Variants in ARHGAP15 observed in about 807,000 individuals in gnomAD.
ARHGAP15 encodes the protein Rho GTPase activating protein 15.
ARHGAP15 carries 51 observed loss-of-function variants against 63.7 expected under a neutral mutation model. The ratio of observed to expected loss-of-function variants is 0.80; its 90% CI spans 0.64 to 1.01. The LOEUF (loss-of-function observed/expected upper bound fraction) is 1.01, where lower values mean the gene tolerates loss of function less well. Among genes scored for constraint, ARHGAP15 ranks in the 50% least tolerant of loss-of-function variants. The probability of loss-of-function intolerance (pLI) is 0.00; values close to 1 mark genes in which losing one functional copy is unlikely to be tolerated. For missense variants in ARHGAP15, 560 were observed against 564.6 expected (o/e 0.99, Z 0.08); for synonymous variants, 191 against 193.8 (o/e 0.99, Z 0.12).
Position 143,138,611 on chromosome 2 carries a change from G to GGT in ARHGAP15, c.-15+9148_-15+9149dup, listed in dbSNP as rs1235689287. ...TTGCCTTGGTTTTTGCCATACTGCA[G>GGT]GTGTCTTTCCTCTTTCTCTTTTTCT... On this transcript the variant is annotated intron_variant, in intron 1 of 13. Transcript: ENST00000295095. Among the ~76,000 whole-genome samples the GGT allele has an allele frequency of 5.9e-5, 9 of 152,164 alleles. No homozygotes were observed. In the East Asian group the frequency reaches 1.7e-3, roughly 29 times the overall value.
chr2:143,548,663 C>T (rs1183752849), intron 10 of ARHGAP15, among the ~76,000 whole-genome samples: 9 of 151,742 alleles, frequency 5.9e-5, no homozygotes. Context: ...AAATTAAATA[C>T]ATTTTTTTCA....
At chr2:143,266,676 A>T (rs2105035295) in intron 6 of ARHGAP15, among the ~76,000 whole-genome samples, 2 of 152,266 alleles carry the variant, frequency 1.3e-5, no homozygotes, top group Admixed American at 1.3e-4. Context: ...GTTCTCCTTA[A>T]ATTATTTTGC....
chr2:143,409,330 A>T (rs936412063), intron 6 of ARHGAP15, among the ~76,000 whole-genome samples: 1 of 151,816 alleles, frequency 6.6e-6, no homozygotes, highest in Non-Finnish European at 1.5e-5. Flanking sequence ...CTAATGAGAG[A>T]ATCTTTTTTT....
chr2:143,638,010 G>A (rs1234344698), intron 12 of ARHGAP15, among the ~76,000 whole-genome samples: 3 of 150,160 alleles, frequency 2.0e-5, no homozygotes, highest in Non-Finnish European at 4.4e-5. Flanking sequence ...AACAGGTGCT[G>A]GAGAGGATGT....
At position 143,350,838 on chromosome 2, in the gene ARHGAP15, CAAAAAAAAAA is replaced by C. The variant is rs59616405; in HGVS notation, c.475-84748_475-84739del. On this transcript the variant is annotated intron_variant, in intron 6 of 13. Coordinates refer to ENST00000295095, the MANE Select transcript of ARHGAP15 (RefSeq NM_018460.4). ...TCGATGACAGAGCGAGACTCAGTCTCAAAAAAAAAAAAAAAAAAAAAAAAGAAATTATATA... is the reference window on the plus strand; with the variant it reads ...TCGATGACAGAGCGAGACTCAGTCTCAAAAAAAAAAAAAAGAAATTATATA... 2.3e-3 allele frequency: 131 copies of C among 57,766 alleles called. 1 individual carries two copies. The highest frequency in any genetic ancestry group is 9.8e-3 in the African/African-American group (129 of 13,168). The allele number at this position is 57,766 out of a possible 1,614,324, so 3.6% of individuals were successfully genotyped here.
intron 6 of ARHGAP15, among the ~76,000 whole-genome samples, chr2:143,253,025 A>G (rs1042492458): frequency 6.6e-6 from 1 of 152,074 alleles, no homozygotes; most frequent in Non-Finnish European, 1.5e-5. Flanking sequence ...AAAGACCATC[A>G]TAGCTTCAGC....
At chr2:143,377,676 A>G (rs7584754) in intron 6 of ARHGAP15, among the ~76,000 whole-genome samples, 14,002 of 152,068 alleles carry the variant, frequency 0.092, 1,092 homozygotes, top group East Asian at 0.42. Flanking sequence ...AGTGTTAAAA[A>G]GGTTTGAGTT....
chr2:143,726,295 TA>T (rs1381029351), intron 13 of ARHGAP15, among the ~76,000 whole-genome samples: 10 of 152,180 alleles, frequency 6.6e-5, no homozygotes, highest in Non-Finnish European at 4.4e-5. Flanking sequence ...AAGAAAAAGC[TA>T]AATCACAGCA....
At chr2:143,183,432 G>A (rs1691313862) in intron 2 of ARHGAP15, among the ~76,000 whole-genome samples, 1 of 152,188 alleles carries the variant, frequency 6.6e-6, no homozygotes, top group Non-Finnish European at 1.5e-5. Flanking sequence ...TTTCTGGGTA[G>A]TGGGAACAAC....
chr2:143,514,623 G>A (rs1222037084), intron 9 of ARHGAP15, among the ~76,000 whole-genome samples: 1 of 152,122 alleles, frequency 6.6e-6, no homozygotes, highest in Non-Finnish European at 1.5e-5. Context: ...ATTGCTACAT[G>A]ACAAACAAAC....
intron 10 of ARHGAP15, among the ~76,000 whole-genome samples, chr2:143,544,995 G>A (rs1276628091): frequency 2.6e-5 from 4 of 152,180 alleles, no homozygotes; most frequent in South Asian, 2.1e-4. Context: ...CTTCTTCTTT[G>A]CCTGGGAAAG....
intron 12 of ARHGAP15, among the ~76,000 whole-genome samples, chr2:143,670,658 A>G (rs1682473870): frequency 6.6e-6 from 1 of 151,922 alleles, no homozygotes. Flanking sequence ...CTTAGACCAA[A>G]TTTCTTTTTG....
intron 11 of ARHGAP15, among the ~76,000 whole-genome samples, chr2:143,569,607 G>A (rs1034088222): frequency 2.0e-5 from 3 of 152,216 alleles, no homozygotes; most frequent in African/African-American, 7.2e-5. Flanking sequence ...GCCAGGCCAG[G>A]TAGGCCTTGC....
intron 2 of ARHGAP15, among the ~76,000 whole-genome samples, chr2:143,187,788 TG>T (rs1453340995): frequency 6.6e-6 from 1 of 152,250 alleles, no homozygotes; most frequent in Non-Finnish European, 1.5e-5. Flanking sequence ...TGTAAATTGA[TG>T]GGTGAGAGCT....
At chr2:143,391,439 C>G (rs758804170) in intron 6 of ARHGAP15, among the ~76,000 whole-genome samples, 6 of 151,966 alleles carry the variant, frequency 3.9e-5, no homozygotes, top group Admixed American at 1.3e-4. Flanking sequence ...TTATGTGAGG[C>G]GAGATCTGAT....
intron 11 of ARHGAP15, among the ~76,000 whole-genome samples, chr2:143,612,808 T>G (rs1478573341): frequency 1.3e-5 from 2 of 152,228 alleles, no homozygotes; most frequent in Non-Finnish European, 2.9e-5. Flanking sequence ...ACAAGTTCCT[T>G]GATCTCTGGA....
chr2:143,650,046 G>GT (rs144902999), intron 12 of ARHGAP15, among the ~76,000 whole-genome samples: 4 of 151,326 alleles, frequency 2.6e-5, no homozygotes, highest in South Asian at 2.1e-4. Flanking sequence ...GTTGTTGGAG[G>GT]TTTTTTTTCT....
intron 12 of ARHGAP15, among the ~76,000 whole-genome samples, chr2:143,646,090 G>C (rs892062056): frequency 6.6e-6 from 1 of 152,048 alleles, no homozygotes; most frequent in Admixed American, 6.6e-5. Context: ...GCAGGGCATG[G>C]TGTTGCACTC....
At chr2:143,480,220 T>C (rs1692010841) in intron 8 of ARHGAP15, among the ~76,000 whole-genome samples, 1 of 152,190 alleles carries the variant, frequency 6.6e-6, no homozygotes, top group Admixed American at 6.5e-5. Flanking sequence ...GTAGAAGACA[T>C]GGATACATAA....
Sources: gnomAD v4.1 joint callset for allele counts (sites outside exome capture counted in the v4.1 genomes callset) on GRCh38, gnomAD v4.1.1 for gene constraint, MANE v1.5 for transcripts, NCBI Gene and HGNC (gene_info 2026-07-23, HGNC 2026-07-21) for gene names.